SHANK2: variants seen among roughly 807,000 people sequenced by gnomAD.
SHANK2 encodes the protein SH3 and multiple ankyrin repeat domains 2.
In SHANK2, 43 loss-of-function variants were observed where a neutral mutation model predicts 133.7. The ratio of observed to expected loss-of-function variants is 0.32; its 90% CI spans 0.25 to 0.41. The LOEUF (loss-of-function observed/expected upper bound fraction) is 0.41. Ranked by LOEUF, SHANK2 falls within the 10% of genes least tolerant of loss-of-function variation. SHANK2 has a pLI of 1.00. For missense variants in SHANK2, 1,994 were observed against 2,235.8 expected (o/e 0.89, Z 2.18); for synonymous variants, 1,017 against 952.8 (o/e 1.07, Z -1.24).
intron 17 of SHANK2, among the ~76,000 whole-genome samples, chr11:70,510,321 G>T (rs1006080085): frequency 6.6e-6 from 1 of 152,164 alleles, no homozygotes; most frequent in African/African-American, 2.4e-5. Context: ...GGAACTCAGA[G>T]GCACTGTCAT....
chr11:70,754,416 G>C (rs1270495233), intron 14 of SHANK2, among the ~76,000 whole-genome samples: 2 of 152,196 alleles, frequency 1.3e-5, no homozygotes, highest in African/African-American at 2.4e-5. Context: ...ATGAGCAAGT[G>C]TGCTTTATCC....
At chr11:70,765,043 G>A (rs1947089704) in intron 14 of SHANK2, among the ~76,000 whole-genome samples, 1 of 152,238 alleles carries the variant, frequency 6.6e-6, no homozygotes, top group African/African-American at 2.4e-5. Flanking sequence ...GACTACACCA[G>A]TTCTGTTTTG....
chr11:71,162,811 G>A (rs1466582102), intron 2 of SHANK2, among the ~76,000 whole-genome samples: 3 of 151,876 alleles, frequency 2.0e-5, no homozygotes, highest in Admixed American at 1.3e-4. Context: ...GGTGGCTCAC[G>A]CCTGTTATCC....
intron 1 of SHANK2, among the ~76,000 whole-genome samples, chr11:71,251,512 C>T (rs868934793): frequency 6.6e-6 from 1 of 151,322 alleles, no homozygotes; most frequent in African/African-American, 2.4e-5. Flanking sequence ...CGGGGCCACC[C>T]GGTGGAGGCG....
At chr11:71,196,997 C>CAAAAAAAA (rs71467429) in intron 2 of SHANK2, among the ~76,000 whole-genome samples, 1 of 81,914 alleles carries the variant, frequency 1.2e-5, no homozygotes, top group Non-Finnish European at 2.4e-5. Flanking sequence ...GACTCTGTCT[C>CAAAAAAAA]AAAAAAAAAA....
chr11:70,892,894 G>A (rs915928177), intron 11 of SHANK2, among the ~76,000 whole-genome samples: 3 of 152,168 alleles, frequency 2.0e-5, no homozygotes, highest in South Asian at 2.1e-4. Context: ...CTGAGCCTCC[G>A]GGGCCCACAG....
Position 70,529,496 on chromosome 11 carries a change from A to G in SHANK2, c.2062-26565T>C, listed in dbSNP as rs546113243. 5.3e-5 allele frequency among the ~76,000 whole-genome samples: 8 copies of G among 152,356 alleles called. No individual in the cohort carries two copies. The East Asian group carries it at 1.4e-3, about 26-fold the overall frequency. The stretch of plus-strand genomic sequence containing the variant: ...GCGGATGCAGATTCTGGGTTATTTT[A>G]GAATAGCCTAGAAGGTCCTCCTCTC... On this transcript the variant is annotated intron_variant, in intron 17 of 25. Coordinates refer to ENST00000601538, the MANE Select transcript of SHANK2 (RefSeq NM_012309.5).
At chr11:71,204,259 A>G (rs1555117631) in intron 2 of SHANK2, among the ~76,000 whole-genome samples, 1 of 152,212 alleles carries the variant, frequency 6.6e-6, no homozygotes, top group Non-Finnish European at 1.5e-5. Flanking sequence ...AACTCCATGG[A>G]AATGATCTGG....
rs77953270 is a variant in SHANK2 at position 71,248,435 on chromosome 11, C to T, written c.-113+3990G>A. Among the ~76,000 whole-genome samples, 932 of 152,300 alleles carry T rather than the reference C, an allele frequency of 6.1e-3. 16 individuals are homozygous for T. In the East Asian group the frequency reaches 0.069, roughly 11 times the overall value. On this transcript the variant is annotated intron_variant, in intron 1 of 25. Coordinates refer to ENST00000601538, the MANE Select transcript of SHANK2 (RefSeq NM_012309.5). ...GGGCAGCGTGCATTTAACCACCGGG[C>T]GGTGTGGGGTCAAGGGCTCCCCTAC...
intron 10 of SHANK2, among the ~76,000 whole-genome samples, chr11:70,914,243 T>G (rs1374892445): frequency 6.6e-6 from 1 of 152,050 alleles, no homozygotes; most frequent in African/African-American, 2.4e-5. Flanking sequence ...CAGGAACAAG[T>G]GTGCAATGGG....
At chr11:71,183,331 A>T (rs931573815) in intron 2 of SHANK2, among the ~76,000 whole-genome samples, 2 of 151,666 alleles carry the variant, frequency 1.3e-5, no homozygotes, top group Non-Finnish European at 2.9e-5. Context: ...GGTGAAACTC[A>T]CTCTCCCCCG....
intron 14 of SHANK2, among the ~76,000 whole-genome samples, chr11:70,708,409 T>C (rs1430579643): frequency 1.3e-5 from 2 of 152,074 alleles, no homozygotes; most frequent in African/African-American, 2.4e-5. Context: ...CTCTAAACAT[T>C]GGGATTCAAG....
At chr11:71,072,324 A>C (rs1427959414) in intron 9 of SHANK2, among the ~76,000 whole-genome samples, 3 of 151,060 alleles carry the variant, frequency 2.0e-5, no homozygotes, top group Admixed American at 6.6e-5. Context: ...CCCCTGCTTC[A>C]CCTCCCCGTG....
At chr11:70,955,262 G>T (rs1330567468) in intron 10 of SHANK2, among the ~76,000 whole-genome samples, 3 of 152,100 alleles carry the variant, frequency 2.0e-5, no homozygotes, top group Admixed American at 6.5e-5. Flanking sequence ...GTGGGGAGAA[G>T]GCTGCCCTCT....
At chr11:70,857,052 G>A (rs564484668) in intron 11 of SHANK2, among the ~76,000 whole-genome samples, 29 of 152,298 alleles carry the variant, frequency 1.9e-4, no homozygotes, top group African/African-American at 5.8e-4. Flanking sequence ...CTGCCTCTGC[G>A]TGCAAATGTT....
chr11:70,920,992 G>A (rs1430213858), intron 10 of SHANK2, among the ~76,000 whole-genome samples: 1 of 152,122 alleles, frequency 6.6e-6, no homozygotes, highest in Non-Finnish European at 1.5e-5. Flanking sequence ...AAAGAAACAA[G>A]CTTCCCTGAA....
chr11:70,483,446 C>T (rs2058761251), intron 25 of SHANK2, among the ~76,000 whole-genome samples: 1 of 150,150 alleles, frequency 6.7e-6, no homozygotes, highest in African/African-American at 2.5e-5. Flanking sequence ...TGCCTGCAAT[C>T]CCAGCACTTT....
intron 9 of SHANK2, among the ~76,000 whole-genome samples, chr11:71,062,540 T>C (rs1951000082): frequency 6.6e-6 from 1 of 152,174 alleles, no homozygotes; most frequent in African/African-American, 2.4e-5. Context: ...AACTGCACCC[T>C]GGCCCAGTGG....
chr11:70,905,803 GTTTTTTTTTT>G (rs112602946), intron 10 of SHANK2, among the ~76,000 whole-genome samples: 5 of 136,718 alleles, frequency 3.7e-5, no homozygotes, highest in Admixed American at 2.9e-4. Context: ...CCCAGTTTAT[GTTTTTTTTTT>G]TTTTTTTTTT....
Sources: gnomAD v4.1 joint callset for allele counts (sites outside exome capture counted in the v4.1 genomes callset) on GRCh38, gnomAD v4.1.1 for gene constraint, MANE v1.5 for transcripts, NCBI Gene and HGNC (gene_info 2026-07-23, HGNC 2026-07-21) for gene names.